EXOC4: variants seen among roughly 807,000 people sequenced by gnomAD.
The protein encoded by EXOC4 is exocyst complex component 4.
Under a neutral mutation model 107.2 loss-of-function variants are expected in EXOC4, and 71 were observed. The ratio of observed to expected loss-of-function variants is 0.66; its 90% CI spans 0.55 to 0.81. The LOEUF (loss-of-function observed/expected upper bound fraction) is 0.81. EXOC4 is among the 30% of genes least tolerant of loss of function. EXOC4 has a pLI of 0.00. For missense variants in EXOC4, 1,108 were observed against 1,189.6 expected (o/e 0.93, Z 1.01); for synonymous variants, 456 against 441.2 (o/e 1.03, Z -0.42).
At chr7:133,267,834 C>T (rs1793769514) in intron 1 of EXOC4, among the ~76,000 whole-genome samples, 1 of 152,144 alleles carries the variant, frequency 6.6e-6, no homozygotes, top group South Asian at 2.1e-4. Context: ...GGGAACTGTC[C>T]TCCATGACCT....
At chr7:133,942,187 C>T (rs1314287615) in intron 14 of EXOC4, among the ~76,000 whole-genome samples, 1 of 151,976 alleles carries the variant, frequency 6.6e-6, no homozygotes, top group Non-Finnish European at 1.5e-5. Context: ...TTCTCTCTAT[C>T]TTGGATTCTG....
chr7:133,671,246 CATA>C (rs111823105), intron 10 of EXOC4, among the ~76,000 whole-genome samples: 12,863 of 152,144 alleles, frequency 0.085, 592 homozygotes, highest in Middle Eastern at 0.13. Flanking sequence ...AGAGGGCTGT[CATA>C]ATCTGCTTTC....
intron 10 of EXOC4, among the ~76,000 whole-genome samples, chr7:133,632,021 C>G (rs1802603882): frequency 1.3e-5 from 2 of 152,044 alleles, no homozygotes; most frequent in Admixed American, 6.5e-5. Flanking sequence ...GATTTTTCCT[C>G]TAAGTTTTTT....
intron 10 of EXOC4, among the ~76,000 whole-genome samples, chr7:133,808,869 C>CAA (rs1256399413): frequency 6.6e-6 from 1 of 152,054 alleles, no homozygotes; most frequent in Non-Finnish European, 1.5e-5. Flanking sequence ...AAAGTGTCAT[C>CAA]AGAATGCAGG....
intron 9 of EXOC4, among the ~76,000 whole-genome samples, chr7:133,493,330 A>G (rs556622633): frequency 1.3e-5 from 2 of 152,256 alleles, no homozygotes; most frequent in Non-Finnish European, 2.9e-5. Context: ...CCAGCTACTC[A>G]GGAGGCTGAG....
chr7:133,878,519 A>G (rs1004009546), intron 11 of EXOC4, among the ~76,000 whole-genome samples: 8 of 152,198 alleles, frequency 5.3e-5, no homozygotes, highest in African/African-American at 7.2e-5. Flanking sequence ...TTCATATTCT[A>G]TCTCATCCAT....
intron 14 of EXOC4, among the ~76,000 whole-genome samples, chr7:133,977,328 A>G (rs1007090204): frequency 1.3e-5 from 2 of 152,216 alleles, no homozygotes; most frequent in African/African-American, 4.8e-5. Flanking sequence ...TTGCAAGGGC[A>G]TCTTGTGTGT....
chr7:133,430,793 A>G (rs137941388), intron 7 of EXOC4, among the ~76,000 whole-genome samples: 11 of 152,154 alleles, frequency 7.2e-5, no homozygotes, highest in African/African-American at 1.4e-4. Context: ...TACCCTTTCT[A>G]TCTTGCCTTT....
At position 133,649,436 on chromosome 7, in the gene EXOC4, C is replaced by A. The variant is rs1379513227; in HGVS notation, c.1514+19295C>A. On this transcript the variant is annotated intron_variant, in intron 10 of 17. Coordinates refer to ENST00000253861, the MANE Select transcript of EXOC4 (RefSeq NM_021807.4). The stretch of plus-strand genomic sequence containing the variant: ...TGGCTCTGTAACATATTCTGCCAGA[C>A]CCTACTGTGTGTGAAGCATTACTAC... Among the ~76,000 whole-genome samples the A allele has an allele frequency of 2.0e-5, 3 of 149,672 alleles. No individual in the cohort carries two copies. The East Asian group carries it at 5.9e-4, about 30-fold the overall frequency.
At chr7:133,598,576 A>G (rs138548788) in intron 9 of EXOC4, among the ~76,000 whole-genome samples, 263 of 152,374 alleles carry the variant, frequency 1.7e-3, no homozygotes, top group African/African-American at 6.0e-3. Context: ...TGTGTCTAGA[A>G]CAACTAGGGT....
chr7:133,530,465 A>G lies in EXOC4; in HGVS notation c.1417+50327A>G, dbSNP rs189623009. On this transcript the variant is annotated intron_variant, in intron 9 of 17. Transcript: ENST00000253861. ...CCTGTACAGCATGTTATTGTACTGA[A>G]TAGGGTATTTGTAACATAGTGATAT... 3.0e-4 allele frequency among the ~76,000 whole-genome samples: 46 copies of G among 152,322 alleles called. 1 individual carries two copies. The highest frequency in any genetic ancestry group is 1.1e-3 in the African/African-American group (45 of 41,568).
chr7:133,365,369 A>G lies in EXOC4; in HGVS notation c.1007+8796A>G, dbSNP rs1004609798. On this transcript the variant is annotated intron_variant, in intron 6 of 17. Coordinates refer to ENST00000253861, the MANE Select transcript of EXOC4 (RefSeq NM_021807.4). ...GGGGAAAGGATTTCAAAAGAATGAT[A>G]CTGATACTTTAATTCAAAGAAATAG... 7.2e-5 allele frequency among the ~76,000 whole-genome samples: 11 copies of G among 152,210 alleles called. 1 individual carries two copies. Among genetic ancestry groups the G allele is most frequent in the African/African-American group, 2.7e-4 (11 of 41,468 alleles).
chr7:133,702,161 C>G (rs376180831), intron 10 of EXOC4, among the ~76,000 whole-genome samples: 3 of 151,442 alleles, frequency 2.0e-5, no homozygotes, highest in African/African-American at 7.3e-5. Context: ...TTTTCTTACG[C>G]TTATTCACAC....
At chr7:133,288,897 C>G (rs779799335) in intron 2 of EXOC4, 25 bp from the exon 3 acceptor site, 2 of 1,609,226 alleles carry the variant, frequency 1.2e-6, no homozygotes, top group East Asian at 4.5e-5. Flanking sequence ...TGGACTGACC[C>G]AAGACCGAAT....
intron 11 of EXOC4, among the ~76,000 whole-genome samples, chr7:133,839,724 A>G (rs1049912469): frequency 6.6e-6 from 1 of 152,198 alleles, no homozygotes; most frequent in African/African-American, 2.4e-5. Context: ...ACCTCAGACC[A>G]CTATGTTAGT....
At chr7:133,884,997 A>T (rs1799049875) in intron 11 of EXOC4, among the ~76,000 whole-genome samples, 1 of 152,180 alleles carries the variant, frequency 6.6e-6, no homozygotes, top group South Asian at 2.1e-4. Flanking sequence ...ATAAATGTTC[A>T]GTCCTTAGAA....
intron 14 of EXOC4, among the ~76,000 whole-genome samples, chr7:133,987,732 T>G (rs940357053): frequency 1.3e-5 from 2 of 152,166 alleles, no homozygotes; most frequent in Non-Finnish European, 2.9e-5. Flanking sequence ...CGTGCCGAGA[T>G]AACCATCTTT....
intron 10 of EXOC4, among the ~76,000 whole-genome samples, chr7:133,815,938 T>G (rs2550988): frequency 4.6e-5 from 7 of 152,164 alleles, no homozygotes; most frequent in Admixed American, 3.3e-4. Flanking sequence ...CCCTCTTTCA[T>G]TGATCCATTT....
intron 10 of EXOC4, among the ~76,000 whole-genome samples, chr7:133,650,010 T>G (rs1223472565): frequency 6.6e-6 from 1 of 152,184 alleles, no homozygotes; most frequent in Non-Finnish European, 1.5e-5. Context: ...TTAGTTATTT[T>G]CTAGGTTTTT....
Sources: gnomAD v4.1 joint callset for allele counts (sites outside exome capture counted in the v4.1 genomes callset) on GRCh38, gnomAD v4.1.1 for gene constraint, MANE v1.5 for transcripts, NCBI Gene and HGNC (gene_info 2026-07-23, HGNC 2026-07-21) for gene names.